Variants in AP1G2 observed in about 807,000 individuals in gnomAD.
AP1G2 encodes AP-1 complex subunit gamma-like 2.
In AP1G2, 85 loss-of-function variants were observed where a neutral mutation model predicts 95.8. That is an observed-to-expected ratio of 0.89 (90% CI 0.74 to 1.06). AP1G2 has a LOEUF of 1.06. Ranked by LOEUF, AP1G2 falls within the 50% of genes least tolerant of loss-of-function variation. AP1G2 has a pLI of 0.00. For synonymous variants in AP1G2, 378 were observed against 400.0 expected, an observed-to-expected ratio of 0.94 and a Z score of 0.66; for missense variants, 967 against 1,005.8, an observed-to-expected ratio of 0.96 and a Z score of 0.52.
intron 11 of AP1G2, 42 bp from the exon 12 acceptor site, chr14:23,563,898 T>A (rs1886390384): frequency 6.2e-7 from 1 of 1,606,632 alleles, no homozygotes; most frequent in Non-Finnish European, 8.5e-7. Context: ...GCCCAGGTCA[T>A]CCTGGTCCAT....
At position 23,559,968 on chromosome 14, in the gene AP1G2, G is replaced by C; in HGVS notation, c.2226C>G (p.Thr742=). The stretch of plus-strand genomic sequence containing the variant: ...TAGGATTGAGGATTCTGAAGAGCTG[G>C]GTGATAGGAAGGCCACCCCGAGCTG... ...TVPARGGLPI[T]QLFRILNPNK... is the part of the protein sequence containing the mutation. The change falls in exon 21 of 22, where the codon ACC becomes ACG. Residue 742 remains threonine, a synonymous_variant. Coordinates refer to ENST00000397120, the MANE Select transcript of AP1G2 (RefSeq NM_003917.5). 6.2e-7 allele frequency: 1 copy of C among 1,613,336 alleles called. No individual in the cohort carries two copies. The highest frequency in any genetic ancestry group is 1.1e-5 in the South Asian group (1 of 90,966).
At position 23,564,545 on chromosome 14, in the gene AP1G2, G is replaced by C; in HGVS notation, c.921+17C>G. On this transcript the variant is annotated intron_variant, in intron 9 of 21. Coordinates refer to ENST00000397120, the MANE Select transcript of AP1G2 (RefSeq NM_003917.5). Reference sequence around the variant, plus strand: ...TGGTGGGCGGGGCCGTAGTGGGAGAGGCATAAGGGGTGATACCCGTAGGCC... The same window carrying C: ...TGGTGGGCGGGGCCGTAGTGGGAGACGCATAAGGGGTGATACCCGTAGGCC... The C allele has an allele frequency of 6.2e-7, 1 of 1,612,198 alleles. No individual in the cohort carries two copies. The highest frequency in any genetic ancestry group is 8.5e-7 in the Non-Finnish European group (1 of 1,179,098).
Position 23,566,000 on chromosome 14 carries a change from A to G in AP1G2, c.568+64T>C, listed in dbSNP as rs749942878. ...CCTTCTCCTGTGAGCTGGGGTTCCC[A>G]TCCGATTTTCAATTCTTCTGTCCAT... On this transcript the variant is annotated intron_variant, in intron 5 of 21. Coordinates refer to ENST00000397120, the MANE Select transcript of AP1G2 (RefSeq NM_003917.5). 8.1e-6 allele frequency: 13 copies of G among 1,613,438 alleles called. No individual in the cohort carries two copies. In the East Asian group the frequency reaches 1.8e-4, roughly 22 times the overall value.
rs773465964 is a variant in AP1G2 at position 23,565,228 on chromosome 14, G to C, written c.742-29C>G. On this transcript the variant is annotated intron_variant, in intron 7 of 21. Transcript: ENST00000397120. Reference sequence around the variant, plus strand: ...AGGTTGGGTTGAAAATGGAAAGTTGGAGGGGTTCATAGGATAAGGAGTCGT... The same window carrying C: ...AGGTTGGGTTGAAAATGGAAAGTTGCAGGGGTTCATAGGATAAGGAGTCGT... 3 of 1,609,408 alleles carry C rather than the reference G, an allele frequency of 1.9e-6. No individual in the cohort carries two copies. The African/African-American group carries it at 4.0e-5, about 22-fold the overall frequency.
chr14:23,564,395 G>A lies in AP1G2; in HGVS notation c.922-7C>T, dbSNP rs975069664. The A allele has an allele frequency of 1.4e-5, 23 of 1,614,052 alleles. No homozygotes were observed. The highest frequency in any genetic ancestry group is 1.8e-5 in the Non-Finnish European group (21 of 1,180,048). ...GAATGTTGACAGCTAGAACCTATGA[G>A]AGGCAGAAGTTGGGGTCAGTCGGAA... is the stretch of plus-strand genomic sequence containing the variant. On this transcript the variant is annotated splice_polypyrimidine_tract_variant and splice_region_variant and intron_variant, in intron 9 of 21. Transcript: ENST00000397120.
rs1016637292 is a variant in AP1G2 at position 23,563,278 on chromosome 14, G to T, written c.1410+102C>A. On this transcript the variant is annotated intron_variant, in intron 14 of 21. Transcript: ENST00000397120. The stretch of plus-strand genomic sequence containing the variant: ...TGTCTTCTGCACTGTGTAAGCAGCT[G>T]TGACCTTGAGAGAAAAATTGGAATC... The T allele has an allele frequency of 1.1e-5, 16 of 1,520,586 alleles. No homozygotes were observed. In the African/African-American group the frequency reaches 2.1e-4, roughly 20 times the overall value. The allele number at this position is 1,520,586 out of a possible 1,614,324, so 94.2% of individuals were successfully genotyped here. A position where few individuals can be genotyped will look rare whatever the true frequency, so the allele number is the denominator to read the frequency against.
Position 23,560,303 on chromosome 14 carries a change from G to T in AP1G2, c.2109C>A (p.Phe703Leu), listed in dbSNP as rs767677006. Residue 703 changes from phenylalanine (F) to leucine (L), a missense_variant, in exon 20 of 22, where the codon TTC becomes TTA. By Grantham distance (22) the Phe-to-Leu change is conservative. Coordinates refer to ENST00000397120, the MANE Select transcript of AP1G2 (RefSeq NM_003917.5). ...LLLITITATN[F>L]SEGDVTHFIC... ...TGAAATGGGTGACATCACCCTCTGAGAAGTTGGTGGCAGTGATGGTGATTA... is the reference window on the plus strand; with the variant it reads ...TGAAATGGGTGACATCACCCTCTGATAAGTTGGTGGCAGTGATGGTGATTA... 3 of 1,614,102 alleles carry T rather than the reference G, an allele frequency of 1.9e-6. No homozygotes were observed. Among genetic ancestry groups the T allele is most frequent in the Non-Finnish European group, 2.5e-6 (3 of 1,180,032 alleles).
At chr14:23,565,313 C>A (rs867855006) in intron 7 of AP1G2, 114 bp from the exon 8 acceptor site, 1 of 1,051,834 alleles carries the variant, frequency 9.5e-7, no homozygotes, top group Non-Finnish European at 1.4e-6. Flanking sequence ...AGCCTTCCCC[C>A]ACCTCCTCAC....
At chr14:23,565,501 C>A in intron 7 of AP1G2, 105 bp downstream of exon 7, 3 of 1,042,518 alleles carry the variant, frequency 2.9e-6, no homozygotes, top group Non-Finnish European at 4.3e-6. Flanking sequence ...CTCTGCTGCC[C>A]AGGACACTGA....
At position 23,563,705 on chromosome 14, in the gene AP1G2, G is replaced by A; in HGVS notation, c.1232+11C>T. ...CCAGATTCTACCCTCTTCGACTCCT[G>A]GGCACCTCACCTCTCTGCAGCCAGC... On this transcript the variant is annotated intron_variant, in intron 12 of 21. Transcript: ENST00000397120. 6.2e-7 allele frequency: 1 copy of A among 1,614,098 alleles called. No homozygotes were observed. Among genetic ancestry groups the A allele is most frequent in the Non-Finnish European group, 8.5e-7 (1 of 1,179,976 alleles).
chr14:23,559,959 G>T lies in AP1G2; in HGVS notation c.2235C>A (p.Phe745Leu). Reference sequence around the variant, plus strand: ...TCACCTTGTTAGGATTGAGGATTCTGAAGAGCTGGGTGATAGGAAGGCCAC... The same window carrying T: ...TCACCTTGTTAGGATTGAGGATTCTTAAGAGCTGGGTGATAGGAAGGCCAC... ...ARGGLPITQL[F>L]RILNPNKAPL... Residue 745 changes from phenylalanine to leucine, a missense_variant, in exon 21 of 22, where the codon TTC (phenylalanine) becomes TTA (leucine). Physicochemically the swap from Phe to Leu is conservative, Grantham distance 22. Coordinates refer to ENST00000397120, the MANE Select transcript of AP1G2 (RefSeq NM_003917.5). The T allele has an allele frequency of 6.2e-7, 1 of 1,613,340 alleles. No homozygotes were observed. Among genetic ancestry groups the T allele is most frequent in the South Asian group, 1.1e-5 (1 of 90,944 alleles).
chr14:23,562,030 G>A lies in AP1G2; in HGVS notation c.1665C>T (p.Cys555=). 1 of 1,613,782 alleles carries A rather than the reference G, an allele frequency of 6.2e-7. No homozygotes were observed. Among genetic ancestry groups the A allele is most frequent in the Non-Finnish European group, 8.5e-7 (1 of 1,179,924 alleles). Residue 555 remains cysteine (C), a synonymous_variant, in exon 17 of 22, where the codon TGC becomes TGT. Coordinates refer to ENST00000397120, the MANE Select transcript of AP1G2 (RefSeq NM_003917.5). The stretch of plus-strand genomic sequence containing the variant: ...CCCGCTGCTGCAGCTCCACGTCCAA[G>A]CAGCTCCCGTAGATGGACACCACCT... ...IRQVVSIYGS[C]LDVELQQRAV...
Position 23,562,510 on chromosome 14 carries a change from G to A in AP1G2, c.1494C>T (p.Pro498=), listed in dbSNP as rs996529633. 3.7e-6 allele frequency: 6 copies of A among 1,614,074 alleles called. No homozygotes were observed. In the Admixed American group the frequency reaches 5.0e-5, roughly 13 times the overall value. ...ACCCCCAATGAGGTCTCACCTGAAG[G>A]GGCTCAATCTCCTCGCAGTTCCCTG... ...LLAGNCEEIE[P]LQVDEEEVLA... The change falls in exon 15 of 22, where the codon CCC becomes CCT. Residue 498 remains proline (P), a synonymous_variant. Transcript: ENST00000397120.
rs75782454 is a variant in AP1G2 at position 23,561,457 on chromosome 14, G to C, written c.1858-26C>G. On this transcript the variant is annotated intron_variant, in intron 18 of 21. Coordinates refer to ENST00000397120, the MANE Select transcript of AP1G2 (RefSeq NM_003917.5). The stretch of plus-strand genomic sequence containing the variant: ...CTGGCAGAAGGGACAGAAGGGGCAG[G>C]GCTGGGTATGAAGCTCAGCCCGTCT... 1.6e-5 allele frequency: 26 copies of C among 1,613,810 alleles called. No homozygotes were observed. In the Admixed American group the frequency reaches 3.0e-4, roughly 19 times the overall value.
chr14:23,565,055 G>C lies in AP1G2; in HGVS notation c.822+64C>G, dbSNP rs1887101211. 5.5e-5 allele frequency: 84 copies of C among 1,515,902 alleles called. No homozygotes were observed. The South Asian group carries it at 9.3e-4, about 17-fold the overall frequency. The allele number at this position is 1,515,902 out of a possible 1,614,324, so 93.9% of individuals were successfully genotyped here. A position where few individuals can be genotyped will look rare whatever the true frequency, so the allele number is the denominator to read the frequency against. ...CACTGCACAGTGACGAGTCATGTGAGGGGCACCCAGGGCTGATGGGGTCTC... is the reference window on the plus strand; with the variant it reads ...CACTGCACAGTGACGAGTCATGTGACGGGCACCCAGGGCTGATGGGGTCTC... On this transcript the variant is annotated intron_variant, in intron 8 of 21. Transcript: ENST00000397120.
rs1416839815 is a variant in AP1G2 at position 23,565,705 on chromosome 14, G to A, written c.646-4C>T. On this transcript the variant is annotated splice_polypyrimidine_tract_variant and splice_region_variant and intron_variant, in intron 6 of 21. Transcript: ENST00000397120. ...TGTGTACCAGCTGGGGTACCACCTG[G>A]AGGGAGGGCACAACTTTGGGCATTC... 6.2e-7 allele frequency: 1 copy of A among 1,613,352 alleles called. No homozygotes were observed. The highest frequency in any genetic ancestry group is 8.5e-7 in the Non-Finnish European group (1 of 1,179,358).
In AP1G2 at chr14:23,564,372, A is replaced by C; in HGVS notation, c.938T>G (p.Ile313Ser). Residue 313 changes from isoleucine (I) to serine (S), a missense_variant, in exon 10 of 22, where the codon ATT (isoleucine) becomes AGT (serine). By Grantham distance (142) the Ile-to-Ser change is moderately radical. Coordinates refer to ENST00000397120, the MANE Select transcript of AP1G2 (RefSeq NM_003917.5). ...AAGLRVLAVNILGRFLLNSDR... is the reference protein window; with the variant it reads ...AAGLRVLAVNSLGRFLLNSDR... ...ACTGTTGAGTAGGAAGCGACCAAGA[A>C]TGTTGACAGCTAGAACCTATGAGAG... 1 of 1,614,202 alleles carries C rather than the reference A, an allele frequency of 6.2e-7. No homozygotes were observed. The highest frequency in any genetic ancestry group is 8.5e-7 in the Non-Finnish European group (1 of 1,180,044).
rs1406259936 is a variant in AP1G2, at chr14:23,563,626, G to T, written c.1245C>A (p.Thr415=). 2 of 1,614,192 alleles carry T rather than the reference G, an allele frequency of 1.2e-6. No individual in the cohort carries two copies. Among genetic ancestry groups the T allele is most frequent in the African/African-American group, 1.3e-5 (1 of 75,048 alleles). Residue 415 remains threonine, a synonymous_variant, in exon 13 of 22, where the codon ACC becomes ACA. Transcript: ENST00000397120. ...ILLAAERFAP[T]KRWHIDTILH... is the part of the protein sequence containing the mutation. ...GGATGGTGTCTATGTGCCAGCGTTT[G>T]GTTGGAGCAAACCTAGGGGATATAT...
rs56908831 is a variant in AP1G2 at position 23,562,747 on chromosome 14, A to T, written c.1411-154T>A. 3,257 of 360,800 alleles carry T rather than the reference A, an allele frequency of 9.0e-3. 54 individuals are homozygous for T. Among genetic ancestry groups the T allele is most frequent in the African/African-American group, 0.058 (2,681 of 46,258 alleles). The allele number at this position is 360,800 out of a possible 1,614,324, so 22.3% of individuals were successfully genotyped here. ...GCGAGACCCCCCCCATCTCTATTTT[A>T]AAAAAAAAAAGAGAGAGAGAGAAAG... On this transcript the variant is annotated intron_variant, in intron 14 of 21. Coordinates refer to ENST00000397120, the MANE Select transcript of AP1G2 (RefSeq NM_003917.5).
Sources: gnomAD v4.1 joint callset for allele counts on GRCh38, gnomAD v4.1.1 for gene constraint, MANE v1.5 for transcripts, NCBI Gene and HGNC (gene_info 2026-07-23, HGNC 2026-07-21) for gene names.